MTUS1: variants seen among roughly 807,000 people sequenced by gnomAD.
MTUS1 encodes microtubule associated scaffold protein 1, also known as microtubule-associated tumor suppressor 1.
A neutral mutation model predicts 120.8 loss-of-function variants in MTUS1; 109 were observed. That is an observed-to-expected ratio of 0.90 (90% confidence interval 0.77 to 1.06). The LOEUF is 1.06. Ranked by LOEUF, MTUS1 falls within the 50% of genes least tolerant of loss-of-function variation. MTUS1 has a pLI of 0.00. For missense variants in MTUS1, 2,210 were observed against 1,486.3 expected (o/e 1.49, Z -8.01); for synonymous variants, 737 against 550.5 (o/e 1.34, Z -4.74).
intron 6 of MTUS1, among the ~76,000 whole-genome samples, chr8:17,699,651 C>T (rs1266039802): frequency 1.3e-5 from 2 of 152,178 alleles, no homozygotes; most frequent in East Asian, 1.9e-4. Context: ...TGAAAATAAA[C>T]ATTGTTAATG....
At chr8:17,660,717 T>C (rs77828867) in intron 8 of MTUS1, among the ~76,000 whole-genome samples, 4,615 of 152,270 alleles carry the variant, frequency 0.03, 247 homozygotes, top group African/African-American at 0.1. Flanking sequence ...TTTTCAAATA[T>C]ATGTAACAGC....
intron 2 of MTUS1, among the ~76,000 whole-genome samples, chr8:17,745,703 C>T (rs764398967): frequency 6.6e-6 from 1 of 152,214 alleles, no homozygotes; most frequent in African/African-American, 2.4e-5. Context: ...CTCTACACAT[C>T]GAACGTTAAT....
At chr8:17,746,453 G>C (rs536095227) in intron 2 of MTUS1, among the ~76,000 whole-genome samples, 80 of 152,308 alleles carry the variant, frequency 5.3e-4, no homozygotes, top group African/African-American at 1.9e-3. Context: ...CACGTGGCTA[G>C]GGAGGCTTCA....
intron 1 of MTUS1, chr8:17,758,001 A>C (rs1167562449): frequency 6.6e-6 from 1 of 152,092 alleles, no homozygotes; most frequent in African/African-American, 2.4e-5. Flanking sequence ...TTACTACTGC[A>C]AACAGATACG....
Position 17,733,622 on chromosome 8 carries a change from A to T in MTUS1, c.2288-9789T>A, listed in dbSNP as rs2046741760. On this transcript the variant is annotated intron_variant, in intron 3 of 14. Coordinates refer to ENST00000693296, the MANE Select transcript of MTUS1 (RefSeq NM_001363059.2). ...ATTCAAGACACAAGAGGTAAAGAAT[A>T]AAACAGGGCCCCGCATCCCTTTCTT... 2.0e-5 allele frequency among the ~76,000 whole-genome samples: 3 copies of T among 152,206 alleles called. No homozygotes were observed. The South Asian group carries it at 6.2e-4, about 32-fold the overall frequency.
Position 17,656,039 on chromosome 8 carries a change from A to C in MTUS1, c.2932T>G (p.Leu978Val). Residue 978 changes from leucine (L) to valine (V), a missense_variant, in exon 9 of 15, where the codon TTA becomes GTA. Coordinates refer to ENST00000693296, the MANE Select transcript of MTUS1 (RefSeq NM_001363059.2). ...LVTASTTCEK[L>V]EKARNELQTV... ...TGTAACTCATTCCTGGCTTTTTCTAATTTCTCACAGGTGGTTGAAGCAGTG... is the reference window on the plus strand; with the variant it reads ...TGTAACTCATTCCTGGCTTTTTCTACTTTCTCACAGGTGGTTGAAGCAGTG... 1.2e-6 allele frequency: 2 copies of C among 1,614,132 alleles called. 1 individual carries two copies. The highest frequency in any genetic ancestry group is 1.7e-6 in the Non-Finnish European group (2 of 1,180,028).
chr8:17,797,054 G>A (rs1409125056), intron 1 of MTUS1, among the ~76,000 whole-genome samples: 1 of 152,064 alleles, frequency 6.6e-6, no homozygotes, highest in Non-Finnish European at 1.5e-5. Flanking sequence ...GGGGGTTGCA[G>A]TGAGCTGAGA....
At chr8:17,737,903 A>C (rs1260284633) in intron 3 of MTUS1, among the ~76,000 whole-genome samples, 1 of 152,178 alleles carries the variant, frequency 6.6e-6, no homozygotes, top group Non-Finnish European at 1.5e-5. Context: ...TCAAATTCTC[A>C]CCTAGAAAAG....
At position 17,709,350 on chromosome 8, in the gene MTUS1, C is replaced by T. The variant is rs150446396; in HGVS notation, c.2623+3864G>A. On this transcript the variant is annotated intron_variant, in intron 6 of 14. Transcript: ENST00000693296. ...TTCCCTCACATGACAGCCTTCAATC[C>T]GGACCTCTCTTCTAGGACAAGACAA... is the stretch of plus-strand genomic sequence containing the variant. Among the ~76,000 whole-genome samples, 328 of 152,160 alleles carry T rather than the reference C, an allele frequency of 2.2e-3. 1 individual carries two copies. Among genetic ancestry groups the T allele is most frequent in the African/African-American group, 7.5e-3 (313 of 41,532 alleles).
chr8:17,689,696 T>A (rs1480687516), intron 6 of MTUS1, among the ~76,000 whole-genome samples: 3 of 152,022 alleles, frequency 2.0e-5, no homozygotes, highest in African/African-American at 7.3e-5. Flanking sequence ...GACACATAGA[T>A]CAGTGGAAGA....
chr8:17,684,977 C>A (rs920184390), intron 6 of MTUS1, among the ~76,000 whole-genome samples: 2 of 152,174 alleles, frequency 1.3e-5, no homozygotes, highest in African/African-American at 4.8e-5. Context: ...TCCTCCCATA[C>A]ATTTTCTACA....
At chr8:17,665,861 C>A (rs1257911021) in intron 8 of MTUS1, among the ~76,000 whole-genome samples, 1 of 152,140 alleles carries the variant, frequency 6.6e-6, no homozygotes, top group Non-Finnish European at 1.5e-5. Flanking sequence ...GACCTTTCCC[C>A]CCCTATACTG....
intron 1 of MTUS1, among the ~76,000 whole-genome samples, chr8:17,795,311 T>A (rs1262447180): frequency 6.6e-6 from 1 of 152,238 alleles, no homozygotes; most frequent in African/African-American, 2.4e-5. Flanking sequence ...CAAAATGTCC[T>A]TAAATGTTTT....
At chr8:17,713,975 G>T (rs1227561500) in intron 5 of MTUS1, among the ~76,000 whole-genome samples, 1 of 152,166 alleles carries the variant, frequency 6.6e-6, no homozygotes, top group Non-Finnish European at 1.5e-5. Context: ...AGGCATTTTA[G>T]AATTCTGAGT....
chr8:17,653,548 A>G (rs778748178), intron 10 of MTUS1, 50 bp from the exon 11 acceptor site: 5 of 1,335,836 alleles, frequency 3.7e-6, no homozygotes, highest in Admixed American at 3.6e-5. Flanking sequence ...TATGAGATCA[A>G]TGTACTCTAA....
chr8:17,654,275 T>C (rs1297025608), intron 10 of MTUS1: 1 of 444,344 alleles, frequency 2.3e-6, no homozygotes, highest in South Asian at 3.6e-5. Context: ...TACTTGCCAC[T>C]TCCCAGGGAC....
rs1322699972 is a variant in MTUS1 at position 17,762,212 on chromosome 8, G to A, written c.-154-6251C>T. ...GAGAATCACTGGAACTCAGGAGGCG[G>A]AGGTCGCAGTGAGCCGAGATCACAC... On this transcript the variant is annotated intron_variant, in intron 1 of 14. Coordinates refer to ENST00000693296, the MANE Select transcript of MTUS1 (RefSeq NM_001363059.2). 2.0e-5 allele frequency among the ~76,000 whole-genome samples: 3 copies of A among 152,128 alleles called. No homozygotes were observed. The East Asian group carries it at 5.8e-4, about 29-fold the overall frequency.
Position 17,743,740 on chromosome 8 carries a change from G to A in MTUS1, c.2151C>T (p.Cys717=), listed in dbSNP as rs759838052. ...TTGGAGCAGCTATTTGCCTCAAACC[G>A]CAGGAGTCAGGCTTGGATATATTCC... ...SGRNISKPDS[C]GLRQIAAPKA... The change falls in exon 3 of 15, where the codon TGC becomes TGT. Residue 717 remains cysteine (C), a synonymous_variant. Transcript: ENST00000693296. 56 of 1,613,956 alleles carry A rather than the reference G, an allele frequency of 3.5e-5. No homozygotes were observed. Among genetic ancestry groups the A allele is most frequent in the African/African-American group, 9.3e-5 (7 of 74,888 alleles).
chr8:17,666,589 T>G (rs1282042177), intron 8 of MTUS1, among the ~76,000 whole-genome samples: 1 of 152,186 alleles, frequency 6.6e-6, no homozygotes, highest in Non-Finnish European at 1.5e-5. Context: ...TCATTAAAAG[T>G]GCAGATTCCT....
Sources: gnomAD v4.1 joint callset for allele counts (sites outside exome capture counted in the v4.1 genomes callset) on GRCh38, gnomAD v4.1.1 for gene constraint, MANE v1.5 for transcripts, NCBI Gene and HGNC (gene_info 2026-07-23, HGNC 2026-07-21) for gene names.